ANK3: variants seen among roughly 807,000 people sequenced by gnomAD.
ANK3 encodes ankyrin 3, also known as ankyrin-3.
ANK3 carries 57 observed loss-of-function variants against 370.9 expected under a neutral mutation model. That is an observed-to-expected ratio of 0.15 (90% confidence interval 0.12 to 0.19). The LOEUF (loss-of-function observed/expected upper bound fraction) is 0.19. ANK3 is among the 10% of genes least tolerant of loss of function. The probability of loss-of-function intolerance (pLI) is 1.00; values close to 1 mark genes in which losing one functional copy is unlikely to be tolerated. For synonymous variants in ANK3, 1,929 were observed against 1,946.3 expected (o/e 0.99, Z 0.23); for missense variants, 4,439 against 5,302.1 (o/e 0.84, Z 5.06).
At chr10:60,676,918 G>A (rs1372712) in intron 1 of ANK3, among the ~76,000 whole-genome samples, 6,080 of 152,248 alleles carry the variant, frequency 0.04, 155 homozygotes, top group Middle Eastern at 0.071. Context: ...ACAAAGAAAT[G>A]ATAAATGCTT....
At chr10:60,380,011 CA>C (rs57218173) in intron 1 of ANK3, among the ~76,000 whole-genome samples, 2,825 of 152,120 alleles carry the variant, frequency 0.019, 93 homozygotes, top group African/African-American at 0.064. Flanking sequence ...GAACCCCCCC[CA>C]AATCAGCTGA....
intron 1 of ANK3, among the ~76,000 whole-genome samples, chr10:60,369,849 T>A (rs2059875718): frequency 6.6e-6 from 1 of 152,184 alleles, no homozygotes; most frequent in Admixed American, 6.5e-5. Flanking sequence ...TGATATACAA[T>A]GTCAGGTTAA....
At chr10:60,649,217 G>A (rs1357511106) in intron 1 of ANK3, among the ~76,000 whole-genome samples, 5 of 151,800 alleles carry the variant, frequency 3.3e-5, no homozygotes, top group South Asian at 2.1e-4. Flanking sequence ...GGAACTCCAC[G>A]GGGAGGAAAA....
chr10:60,036,422 A>ATTTTTTTTTTTTTTTTTTTTTTT (rs563946588), intron 43 of ANK3, among the ~76,000 whole-genome samples: 1 of 72,292 alleles, frequency 1.4e-5, no homozygotes. Flanking sequence ...GTCAGAGGCA[A>ATTTTTTTTTTTTTTTTTTTTTTT]TTTTTTTTTT....
intron 7 of ANK3, among the ~76,000 whole-genome samples, chr10:60,246,465 C>T (rs1366693731): frequency 1.3e-5 from 2 of 152,004 alleles, no homozygotes; most frequent in East Asian, 1.9e-4. Flanking sequence ...AGATTAAGTC[C>T]ATACTGGATT....
At chr10:60,455,785 C>T (rs1366857252) in intron 2 of ANK3, among the ~76,000 whole-genome samples, 1 of 152,156 alleles carries the variant, frequency 6.6e-6, no homozygotes, top group East Asian at 1.9e-4. Flanking sequence ...CAGCCAATGT[C>T]AACTCAGTCT....
chr10:60,578,151 T>C (rs1258280279), intron 2 of ANK3, among the ~76,000 whole-genome samples: 1 of 152,212 alleles, frequency 6.6e-6, no homozygotes, highest in African/African-American at 2.4e-5. Context: ...TGTTCCGAGT[T>C]TTCTTTCTTT....
intron 2 of ANK3, among the ~76,000 whole-genome samples, chr10:60,519,111 AG>A (rs1157764944): frequency 6.6e-6 from 1 of 152,198 alleles, no homozygotes; most frequent in African/African-American, 2.4e-5. Flanking sequence ...AAAAGTAGGA[AG>A]AATAAAGAAA....
rs935252039 is a variant in ANK3, at chr10:60,055,817, T to C, written c.12906A>G (p.Ala4302=). 6.2e-7 allele frequency: 1 copy of C among 1,614,106 alleles called. No homozygotes were observed. Among genetic ancestry groups the C allele is most frequent in the Non-Finnish European group, 8.5e-7 (1 of 1,180,038 alleles). ...TGGTTTCTTCTAGAGATTTCTGATATGCTGCTAGTGGTGATGCTGGTTCTT... is the reference window on the plus strand; with the variant it reads ...TGGTTTCTTCTAGAGATTTCTGATACGCTGCTAGTGGTGATGCTGGTTCTT... ...HVEEPASPLA[A]YQKSLEETSK... Residue 4302 remains alanine, a synonymous_variant, in exon 42 of 44, where the codon GCA becomes GCG. Transcript: ENST00000280772.
chr10:60,115,652 T>C (rs2132117068), intron 25 of ANK3, among the ~76,000 whole-genome samples: 1 of 152,236 alleles, frequency 6.6e-6, no homozygotes, highest in East Asian at 1.9e-4. Flanking sequence ...CAAATGGGCA[T>C]TGGTTCAGTG....
intron 5 of ANK3, among the ~76,000 whole-genome samples, chr10:60,264,808 G>C (rs79524330): frequency 6.6e-6 from 1 of 152,026 alleles, no homozygotes; most frequent in Non-Finnish European, 1.5e-5. Context: ...GTCAGGATAG[G>C]TGAATTCATG....
chr10:60,273,770 G>A (rs1156522851), intron 4 of ANK3, among the ~76,000 whole-genome samples: 4 of 152,182 alleles, frequency 2.6e-5, no homozygotes, highest in Admixed American at 2.0e-4. Context: ...TTGTGGTAGT[G>A]AATAAGTCTC....
chr10:60,282,350 C>T (rs1408679038), intron 1 of ANK3, among the ~76,000 whole-genome samples: 1 of 152,194 alleles, frequency 6.6e-6, no homozygotes, highest in African/African-American at 2.4e-5. Context: ...CCATTTTGCT[C>T]TCAAGTTTCC....
chr10:60,221,586 T>C (rs2097059396), intron 8 of ANK3, among the ~76,000 whole-genome samples: 1 of 152,220 alleles, frequency 6.6e-6, no homozygotes, highest in Admixed American at 6.5e-5. Flanking sequence ...CAAGACATCA[T>C]ATTATTATAT....
At position 60,076,031 on chromosome 10, in the gene ANK3, T is replaced by A; in HGVS notation, c.4850A>T (p.Asn1617Ile). The A allele has an allele frequency of 1.2e-6, 2 of 1,614,176 alleles. No homozygotes were observed. Among genetic ancestry groups the A allele is most frequent in the Non-Finnish European group, 1.7e-6 (2 of 1,180,004 alleles). ...EATPLKGLASNSTFSSRTSPV... is the reference protein window; with the variant it reads ...EATPLKGLASISTFSSRTSPV... ...AGAGGTTCGAGAGGAAAACGTAGAA[T>A]TGGATGCCAGCCCTTTTAAGGGCGT... is the stretch of plus-strand genomic sequence containing the variant. Residue 1617 changes from asparagine to isoleucine, a missense_variant, in exon 37 of 44, where the codon AAT becomes ATT. Asn to Ile is a moderately radical substitution (Grantham distance 149). This residue lies in a region of ANK3 where 679 missense variants were observed against 791.0 expected (regional missense o/e 0.86). Transcript: ENST00000280772.
At chr10:60,322,638 ATTTT>A in intron 1 of ANK3, among the ~76,000 whole-genome samples, 1 of 152,224 alleles carries the variant, frequency 6.6e-6, no homozygotes. Flanking sequence ...CTCTTAGCAG[ATTTT>A]TTTGTGTGTT....
At chr10:60,684,851 A>C in intron 1 of ANK3, 1 of 1,497,268 alleles carries the variant, frequency 6.7e-7, no homozygotes, top group South Asian at 1.2e-5. Flanking sequence ...ACTGAACTTC[A>C]CAAAATAACT....
At chr10:60,485,715 C>G (rs1448890738) in intron 2 of ANK3, among the ~76,000 whole-genome samples, 1 of 152,136 alleles carries the variant, frequency 6.6e-6, no homozygotes, top group Non-Finnish European at 1.5e-5. Context: ...GTGTGGCTTT[C>G]TTATTGTGGT....
Position 60,076,180 on chromosome 10 carries a change from C to T in ANK3, c.4701G>A (p.Val1567=), listed in dbSNP as rs749362212. 1.2e-5 allele frequency: 20 copies of T among 1,614,154 alleles called. No homozygotes were observed. The South Asian group carries it at 2.1e-4, about 17-fold the overall frequency. ...TTSSVKSISD[V]ASPIRSFRTM... Reference sequence around the variant, plus strand: ...TCCGAAAGGATCTAATTGGAGATGCCACGTCACTAATGGATTTAACTGAAG... The same window carrying T: ...TCCGAAAGGATCTAATTGGAGATGCTACGTCACTAATGGATTTAACTGAAG... Residue 1567 remains valine, a synonymous_variant, in exon 37 of 44, where the codon GTG becomes GTA. Transcript: ENST00000280772.
Sources: gnomAD v4.1 joint callset for allele counts (sites outside exome capture counted in the v4.1 genomes callset) on GRCh38, gnomAD v4.1.1 for gene constraint, gnomAD v4.1.1 regional missense constraint, MANE v1.5 for transcripts, NCBI Gene and HGNC (gene_info 2026-07-23, HGNC 2026-07-21) for gene names.